Variants in PKHD1L1 observed in about 807,000 individuals in gnomAD.
The protein encoded by PKHD1L1 is PKHD1 like 1.
Under a neutral mutation model 462.9 loss-of-function variants are expected in PKHD1L1, and 434 were observed. The ratio of observed to expected loss-of-function variants is 0.94; its 90% CI spans 0.87 to 1.02. PKHD1L1 has a LOEUF of 1.02. Among genes scored for constraint, PKHD1L1 ranks in the 50% least tolerant of loss-of-function variants. The pLI, the probability that PKHD1L1 is intolerant of heterozygous loss-of-function variation, is 0.00. For missense variants in PKHD1L1, 5,202 were observed against 5,096.1 expected (o/e 1.02, Z -0.63); for synonymous variants, 1,781 against 1,750.0 (o/e 1.02, Z -0.44).
intron 21 of PKHD1L1, among the ~76,000 whole-genome samples, chr8:109,417,786 G>A (rs1350090145): frequency 6.6e-6 from 1 of 152,082 alleles, no homozygotes; most frequent in Non-Finnish European, 1.5e-5. Flanking sequence ...TCCTGACCTC[G>A]TGATCCACCC....
chr8:109,475,459 C>G (rs1473328789), intron 51 of PKHD1L1, among the ~76,000 whole-genome samples, 190 bp downstream of exon 51: 1 of 152,076 alleles, frequency 6.6e-6, no homozygotes, highest in Non-Finnish European at 1.5e-5. Context: ...ATTTGAGAAT[C>G]AGAAGTAAGC....
At chr8:109,362,798 G>A in intron 1 of PKHD1L1, 145 bp downstream of exon 1, 1 of 813,108 alleles carries the variant, frequency 1.2e-6, no homozygotes, top group African/African-American at 1.7e-5. Flanking sequence ...GGGGACCAGG[G>A]GAGCTGGATA....
chr8:109,516,936 T>C (rs1820298226), intron 72 of PKHD1L1, among the ~76,000 whole-genome samples: 1 of 152,128 alleles, frequency 6.6e-6, no homozygotes, highest in East Asian at 1.9e-4. Flanking sequence ...CATTTCATTG[T>C]GAGGCTTATT....
At position 109,438,310 on chromosome 8, in the gene PKHD1L1, TC is replaced by T. The variant is rs1435812217; in HGVS notation, c.3628-12del. On this transcript the variant is annotated splice_polypyrimidine_tract_variant and intron_variant, in intron 30 of 77. Transcript: ENST00000378402. ...AACAATTAATATTTTCTAATTTTTT[TC>T]CTCTTATTTTAGAAAACTGAGGGTA... The T allele has an allele frequency of 2.4e-5, 35 of 1,452,890 alleles. No individual in the cohort carries two copies. Among genetic ancestry groups the T allele is most frequent in the Non-Finnish European group, 3.2e-5 (35 of 1,083,750 alleles). The allele number at this position is 1,452,890 out of a possible 1,614,324, so 90.0% of individuals were successfully genotyped here.
intron 21 of PKHD1L1, among the ~76,000 whole-genome samples, chr8:109,417,399 A>C (rs899875768): frequency 6.6e-6 from 1 of 152,136 alleles, no homozygotes; most frequent in Non-Finnish European, 1.5e-5. Flanking sequence ...CACTAATTTC[A>C]AGATGTATTA....
intron 16 of PKHD1L1, 68 bp from the exon 17 acceptor site, chr8:109,406,267 G>A: frequency 6.9e-7 from 1 of 1,444,058 alleles, no homozygotes. Flanking sequence ...CATCAGTGTT[G>A]GCTGCAGTAG....
chr8:109,384,539 A>G (rs569233977), intron 5 of PKHD1L1, among the ~76,000 whole-genome samples: 3 of 152,194 alleles, frequency 2.0e-5, no homozygotes, highest in Non-Finnish European at 4.4e-5. Context: ...AAAAAAAAGA[A>G]AAAAGTACCA....
intron 42 of PKHD1L1, 80 bp downstream of exon 42, chr8:109,452,360 T>C (rs1403396996): frequency 7.9e-7 from 1 of 1,269,312 alleles, no homozygotes. Flanking sequence ...TAATTGTTGT[T>C]TTACTTTAAT....
chr8:109,455,539 TA>T (rs1816773576), intron 45 of PKHD1L1, among the ~76,000 whole-genome samples: 1 of 152,108 alleles, frequency 6.6e-6, no homozygotes, highest in African/African-American at 2.4e-5. Context: ...TTTATATATA[TA>T]AAAAGACTAA....
At chr8:109,498,630 T>C in intron 66 of PKHD1L1, 25 bp from the exon 67 acceptor site, 6 of 1,612,438 alleles carry the variant, frequency 3.7e-6, no homozygotes, top group Non-Finnish European at 4.2e-6. Flanking sequence ...TCAATTTTCA[T>C]TAACTTTTTC....
In PKHD1L1 at chr8:109,464,252, T is replaced by C; in HGVS notation, c.7420T>C (p.Tyr2474His). Residue 2474 changes from tyrosine (Y) to histidine (H), a missense_variant, in exon 49 of 78, where the codon TAT becomes CAT. Transcript: ENST00000378402. ...HAGQAFRLGR[Y>H]PIHWHLLGDL... ...TGGCCAGGCTTTCCGGTTGGGGCGA[T>C]ATCCAATACATTGGCACCTGCTTGG... 6.2e-7 allele frequency: 1 copy of C among 1,608,474 alleles called. No homozygotes were observed. The highest frequency in any genetic ancestry group is 8.5e-7 in the Non-Finnish European group (1 of 1,175,586).
chr8:109,470,894 A>T, intron 50 of PKHD1L1: 1 of 1,558,706 alleles, frequency 6.4e-7, no homozygotes, highest in Non-Finnish European at 8.8e-7. Flanking sequence ...CTGAGCCAGT[A>T]GAGGATGGGA....
chr8:109,455,707 G>A (rs1044391530), intron 45 of PKHD1L1, among the ~76,000 whole-genome samples: 1 of 152,074 alleles, frequency 6.6e-6, no homozygotes, highest in African/African-American at 2.4e-5. Flanking sequence ...AGGTACCAGG[G>A]CAACATACTA....
chr8:109,439,684 T>A (rs1815664293), intron 32 of PKHD1L1, among the ~76,000 whole-genome samples: 1 of 152,090 alleles, frequency 6.6e-6, no homozygotes, highest in African/African-American at 2.4e-5. Context: ...CCAACTCAGT[T>A]TTCTGTAAGG....
chr8:109,386,311 C>G (rs1767696401), intron 6 of PKHD1L1, among the ~76,000 whole-genome samples: 1 of 152,118 alleles, frequency 6.6e-6, no homozygotes. Context: ...ACTGAAAGTC[C>G]TGTTTATTTC....
intron 54 of PKHD1L1, 33 bp from the exon 55 acceptor site, chr8:109,479,958 T>A: frequency 6.6e-7 from 1 of 1,515,504 alleles, no homozygotes; most frequent in Non-Finnish European, 8.8e-7. Context: ...AGTTTATGGA[T>A]TATGTTATAT....
At chr8:109,448,010 G>A (rs1816250101) in intron 38 of PKHD1L1, 133 bp from the exon 39 acceptor site, 1 of 748,354 alleles carries the variant, frequency 1.3e-6, no homozygotes, top group South Asian at 2.0e-5. Context: ...GACATAGCAT[G>A]TATTGTTAAT....
At position 109,515,218 on chromosome 8, in the gene PKHD1L1, T is replaced by C; in HGVS notation, c.11602T>C (p.Tyr3868His). Reference protein sequence around the residue: ...FFSTLQRLDVYVNNLLVCPKT... With the variant: ...FFSTLQRLDVHVNNLLVCPKT... ...TTCCACACTTCAACGTTTGGATGTCTATGTGAACAACTTATTGGTCTGTCC... is the reference window on the plus strand; with the variant it reads ...TTCCACACTTCAACGTTTGGATGTCCATGTGAACAACTTATTGGTCTGTCC... The change falls in exon 72 of 78, where the codon TAT (tyrosine) becomes CAT (histidine). Residue 3868 changes from tyrosine to histidine, a missense_variant. By Grantham distance (83) the Tyr-to-His change is moderately conservative. Transcript: ENST00000378402. 1 of 1,604,864 alleles carries C rather than the reference T, an allele frequency of 6.2e-7. No homozygotes were observed. Among genetic ancestry groups the C allele is most frequent in the African/African-American group, 1.3e-5 (1 of 74,760 alleles).
At chr8:109,440,519 G>A (rs1323605895) in intron 32 of PKHD1L1, among the ~76,000 whole-genome samples, 191 bp from the exon 33 acceptor site, 1 of 151,922 alleles carries the variant, frequency 6.6e-6, no homozygotes, top group Non-Finnish European at 1.5e-5. Context: ...TTCATAGTTA[G>A]GGAAAATATT....
Sources: gnomAD v4.1 joint callset for allele counts (sites outside exome capture counted in the v4.1 genomes callset) on GRCh38, gnomAD v4.1.1 for gene constraint, MANE v1.5 for transcripts, NCBI Gene and HGNC (gene_info 2026-07-23, HGNC 2026-07-21) for gene names.